EYA4: variants seen among roughly 807,000 people sequenced by gnomAD.
The protein encoded by EYA4 is EYA transcriptional coactivator and phosphatase 4, also known as protein phosphatase EYA4.
In EYA4, 31 loss-of-function variants were observed where a neutral mutation model predicts 87.9. The ratio of observed to expected loss-of-function variants is 0.35; its 90% CI spans 0.27 to 0.48. EYA4 has a LOEUF of 0.48. Among genes scored for constraint, EYA4 ranks in the 20% least tolerant of loss-of-function variants. EYA4 has a pLI of 0.99. For missense variants in EYA4, 678 were observed against 761.4 expected (o/e 0.89, Z 1.29); for synonymous variants, 263 against 270.6 (o/e 0.97, Z 0.28).
At chr6:133,363,923 C>A (rs1784661601) in intron 2 of EYA4, among the ~76,000 whole-genome samples, 1 of 152,212 alleles carries the variant, frequency 6.6e-6, no homozygotes, top group Admixed American at 6.5e-5. Context: ...AGCATCTTAA[C>A]CTCACTTGAG....
At chr6:133,255,240 GTT>G (rs552390371) in intron 1 of EYA4, among the ~76,000 whole-genome samples, 1 of 148,122 alleles carries the variant, frequency 6.8e-6, no homozygotes, top group East Asian at 2.0e-4. Context: ...GCTAAAGCAA[GTT>G]TTTTTTTTTA....
intron 16 of EYA4, among the ~76,000 whole-genome samples, chr6:133,513,774 G>A (rs1003370113): frequency 2.0e-4 from 30 of 152,050 alleles, no homozygotes; most frequent in African/African-American, 6.7e-4. Context: ...TTGCTATTAG[G>A]TCACATCAGA....
At chr6:133,408,164 T>C (rs1467557682) in intron 3 of EYA4, among the ~76,000 whole-genome samples, 2 of 152,216 alleles carry the variant, frequency 1.3e-5, no homozygotes, top group Non-Finnish European at 2.9e-5. Flanking sequence ...TCAATCATTT[T>C]ACATTTGGCC....
chr6:133,251,329 A>G (rs1774883304), intron 1 of EYA4, among the ~76,000 whole-genome samples: 1 of 152,196 alleles, frequency 6.6e-6, no homozygotes, highest in Non-Finnish European at 1.5e-5. Flanking sequence ...GATGAACTCA[A>G]TGTAAACTTT....
chr6:133,449,981 AT>A (rs576681913), intron 5 of EYA4, among the ~76,000 whole-genome samples: 254 of 152,118 alleles, frequency 1.7e-3, no homozygotes, highest in Non-Finnish European at 2.6e-3. Flanking sequence ...CTTTTAATGA[AT>A]TTCAATGACT....
intron 3 of EYA4, among the ~76,000 whole-genome samples, chr6:133,411,636 T>TA (rs949992977): frequency 1.3e-5 from 2 of 152,168 alleles, no homozygotes; most frequent in African/African-American, 4.8e-5. Flanking sequence ...TCTTGCTTTT[T>TA]AAAAACTCTA....
At chr6:133,319,194 C>A (rs571424438) in intron 2 of EYA4, among the ~76,000 whole-genome samples, 1 of 152,172 alleles carries the variant, frequency 6.6e-6, no homozygotes, top group Non-Finnish European at 1.5e-5. Flanking sequence ...GAATTCAACC[C>A]CAGGGCTTTG....
intron 2 of EYA4, among the ~76,000 whole-genome samples, chr6:133,378,620 C>G (rs1028294097): frequency 2.0e-5 from 3 of 151,956 alleles, no homozygotes; most frequent in African/African-American, 4.8e-5. Flanking sequence ...CTCAGTGTTA[C>G]TATATGGGAA....
At chr6:133,324,798 T>C (rs1475863119) in intron 2 of EYA4, among the ~76,000 whole-genome samples, 2 of 152,060 alleles carry the variant, frequency 1.3e-5, no homozygotes, top group East Asian at 3.8e-4. Flanking sequence ...AAGAAAGCTT[T>C]TCATTGGGAA....
At chr6:133,249,010 G>T (rs73007667) in intron 1 of EYA4, among the ~76,000 whole-genome samples, 1,950 of 152,108 alleles carry the variant, frequency 0.013, 27 homozygotes, top group Middle Eastern at 0.027. Flanking sequence ...GTTTTTAAAG[G>T]TTTCGTTCAT....
Position 133,450,086 on chromosome 6 carries a change from T to C in EYA4, c.277+1907T>C, listed in dbSNP as rs181326874. ...CTGCAAGCTCCGCCTCCCGGGTTCATGCCATTCTCCTGCCTCAGCCTCCCG... is the reference window on the plus strand; with the variant it reads ...CTGCAAGCTCCGCCTCCCGGGTTCACGCCATTCTCCTGCCTCAGCCTCCCG... On this transcript the variant is annotated intron_variant, in intron 5 of 19. Coordinates refer to ENST00000355286, the MANE Select transcript of EYA4 (RefSeq NM_004100.5). Among the ~76,000 whole-genome samples, 1,125 of 151,854 alleles carry C rather than the reference T, an allele frequency of 7.4e-3. 22 individuals carry two copies. The highest frequency in any genetic ancestry group is 0.026 in the African/African-American group (1,071 of 41,430).
At chr6:133,247,950 C>G (rs753681702) in intron 1 of EYA4, 11 of 152,156 alleles carry the variant, frequency 7.2e-5, no homozygotes, top group Non-Finnish European at 1.3e-4. Flanking sequence ...AACAGACTGT[C>G]AGATACGGTA....
intron 5 of EYA4, among the ~76,000 whole-genome samples, chr6:133,454,807 C>A (rs1040931756): frequency 2.6e-5 from 4 of 152,050 alleles, no homozygotes; most frequent in African/African-American, 9.7e-5. Flanking sequence ...TTTAATTATT[C>A]TATCTAGGAG....
At chr6:133,386,478 G>A (rs1389456865) in intron 3 of EYA4, among the ~76,000 whole-genome samples, 2 of 152,044 alleles carry the variant, frequency 1.3e-5, no homozygotes, top group African/African-American at 4.8e-5. Flanking sequence ...GTGTCTCTGT[G>A]TTAAAGTAGT....
chr6:133,346,452 C>G (rs1360404282), intron 2 of EYA4, among the ~76,000 whole-genome samples: 1 of 152,082 alleles, frequency 6.6e-6, no homozygotes, highest in Non-Finnish European at 1.5e-5. Context: ...GAATTAATAC[C>G]AATCCAAATT....
intron 2 of EYA4, among the ~76,000 whole-genome samples, chr6:133,362,229 A>G (rs767511589): frequency 6.6e-6 from 1 of 152,088 alleles, no homozygotes; most frequent in Non-Finnish European, 1.5e-5. Flanking sequence ...GAGACTTAGA[A>G]TTTCTTAGAG....
At chr6:133,274,907 C>CCGGTGAAACCCCGTCTCT in intron 2 of EYA4, 94 bp downstream of exon 2, 1 of 938,454 alleles carries the variant, frequency 1.1e-6, no homozygotes, top group Admixed American at 1.9e-5. Context: ...GTAAGTTTTT[C>CCGGTGAAACCCCGTCTCT]ATTAAATATA....
At chr6:133,294,043 ATATATATATATATATAT>A (rs1478883175) in intron 2 of EYA4, among the ~76,000 whole-genome samples, 7 of 88,244 alleles carry the variant, frequency 7.9e-5, no homozygotes, top group South Asian at 7.1e-4. Flanking sequence ...ATATATATAT[ATATATATATATATATAT>A]ATAATTCTAT....
intron 13 of EYA4, among the ~76,000 whole-genome samples, chr6:133,504,455 T>A (rs965463010): frequency 6.6e-6 from 1 of 152,176 alleles, no homozygotes; most frequent in Non-Finnish European, 1.5e-5. Context: ...AATCTCTAAA[T>A]GAGAAGATGC....
Sources: gnomAD v4.1 joint callset for allele counts (sites outside exome capture counted in the v4.1 genomes callset) on GRCh38, gnomAD v4.1.1 for gene constraint, MANE v1.5 for transcripts, NCBI Gene and HGNC (gene_info 2026-07-23, HGNC 2026-07-21) for gene names.